Variants in RADIL observed in about 807,000 individuals in gnomAD.
The protein encoded by RADIL is Rap associating with DIL domain.
In RADIL, 99 loss-of-function variants were observed where a neutral mutation model predicts 97.6. That is an observed-to-expected ratio of 1.01 (90% CI 0.86 to 1.20). The LOEUF (loss-of-function observed/expected upper bound fraction) is 1.20, where lower values mean the gene tolerates loss of function less well. Among genes scored for constraint, RADIL ranks in the 50% most tolerant of loss-of-function variants. The pLI, the probability that RADIL is intolerant of heterozygous loss-of-function variation, is 0.00. For missense variants in RADIL, 1,765 were observed against 1,498.9 expected, an observed-to-expected ratio of 1.18 and a Z score of -2.93; for synonymous variants, 803 against 691.8, an observed-to-expected ratio of 1.16 and a Z score of -2.52.
intron 12 of RADIL, among the ~76,000 whole-genome samples, chr7:4,800,689 C>T (rs540495152): frequency 6.6e-6 from 1 of 152,296 alleles, no homozygotes; most frequent in African/African-American, 2.4e-5. Flanking sequence ...CCTGAGGGTT[C>T]CCACCGCTGA....
At chr7:4,855,337 A>G (rs555301576) in intron 2 of RADIL, among the ~76,000 whole-genome samples, 2 of 152,264 alleles carry the variant, frequency 1.3e-5, no homozygotes, top group East Asian at 1.9e-4. Flanking sequence ...GAAGGTGTGT[A>G]GAGTTCTGGA....
At chr7:4,860,719 T>G in intron 2 of RADIL, 2 of 1,614,160 alleles carry the variant, frequency 1.2e-6, no homozygotes, top group Non-Finnish European at 1.7e-6. Context: ...AGCTTGGAGC[T>G]TCAAAGAGTT....
In RADIL at chr7:4,849,615, A is replaced by G. The variant is rs897481194; in HGVS notation, c.536-13010T>C. ...GCTGTTATCTGCAACAAACCTGCAG[A>G]CCGAATGGCAGGTGGCTTGGAAGAA... On this transcript the variant is annotated intron_variant, in intron 2 of 14. Transcript: ENST00000399583. This position sits in a 1 kb window ranked among gnomAD's most constrained non-coding sequence, Gnocchi z 5.4. Among the ~76,000 whole-genome samples the G allele has an allele frequency of 2.6e-5, 4 of 152,278 alleles. No individual in the cohort carries two copies. The highest frequency in any genetic ancestry group is 9.6e-5 in the African/African-American group (4 of 41,552).
intron 2 of RADIL, chr7:4,860,496 C>G (rs1209876555): frequency 6.2e-7 from 1 of 1,614,116 alleles, no homozygotes; most frequent in African/African-American, 1.3e-5. Context: ...AACCCAATCA[C>G]CCACATTGTA....
chr7:4,803,651 C>G lies in RADIL; in HGVS notation c.2394G>C (p.Gln798His). The change falls in exon 11 of 15, where the codon CAG becomes CAC. Residue 798 changes from glutamine (Q) to histidine (H), a missense_variant. Physicochemically the swap from Gln to His is conservative, Grantham distance 24. Coordinates refer to ENST00000399583, the MANE Select transcript of RADIL (RefSeq NM_018059.5). ...GAAAGTGGCGGACGTAGAGCAGGTG[C>G]TGGTAGATGCTGTCGTCCAGGCAGT... The part of the protein sequence containing the change: ...EANCLDDSIY[Q>H]HLLYVRHFLW... The G allele has an allele frequency of 6.4e-7, 1 of 1,550,776 alleles. No individual in the cohort carries two copies. Among genetic ancestry groups the G allele is most frequent in the Non-Finnish European group, 8.7e-7 (1 of 1,147,392 alleles).
In RADIL at chr7:4,832,136, C is replaced by T; in HGVS notation, c.1454+5G>A. On this transcript the variant is annotated splice_donor_5th_base_variant and intron_variant, in intron 5 of 14. Coordinates refer to ENST00000399583, the MANE Select transcript of RADIL (RefSeq NM_018059.5). ...AGGCGGGCACAATAACCGGGTCATA[C>T]TCACAGTTGCGCCTGCTTCTCTGCT... is the stretch of plus-strand genomic sequence containing the variant. The T allele has an allele frequency of 6.2e-7, 1 of 1,608,520 alleles. No homozygotes were observed. Among genetic ancestry groups the T allele is most frequent in the Admixed American group, 1.7e-5 (1 of 59,632 alleles).
intron 2 of RADIL, chr7:4,865,701 T>C (rs887343351): frequency 8.0e-6 from 8 of 1,001,076 alleles, no homozygotes; most frequent in Non-Finnish European, 1.3e-5. Flanking sequence ...TGGCAGCATC[T>C]GTGATTCCAT....
chr7:4,835,190 C>A lies in RADIL; in HGVS notation c.833G>T (p.Arg278Leu). 1 of 1,611,888 alleles carries A rather than the reference C, an allele frequency of 6.2e-7. No homozygotes were observed. Among genetic ancestry groups the A allele is most frequent in the Non-Finnish European group, 8.5e-7 (1 of 1,179,764 alleles). Residue 278 changes from arginine (R) to leucine (L), a missense_variant, in exon 4 of 15, where the codon CGG becomes CTG. Transcript: ENST00000399583. The surrounding 1 kb of genome is among the most constrained non-coding windows in gnomAD (Gnocchi z 5.8). The stretch of plus-strand genomic sequence containing the variant: ...GATGCTGGGCTTGCTGGAGGGGGTC[C>A]GCTGGCCCACCGTGTGCCGGTCCCG... Reference protein sequence around the residue: ...LNRDRHTVGQRTPSSKPSISL... With the variant: ...LNRDRHTVGQLTPSSKPSISL...
In RADIL at chr7:4,813,607, C is replaced by T. The variant is rs1442252190; in HGVS notation, c.2139+1671G>A. Reference sequence around the variant, plus strand: ...GACAAAGCCTAGATTCTCAGCCTCACACCGTCACCTGCTCCCAGGACAGCA... The same window carrying T: ...GACAAAGCCTAGATTCTCAGCCTCATACCGTCACCTGCTCCCAGGACAGCA... On this transcript the variant is annotated intron_variant, in intron 9 of 14. Transcript: ENST00000399583. The surrounding 1 kb of genome is among the most constrained non-coding windows in gnomAD (Gnocchi z 5.0). 6.6e-6 allele frequency among the ~76,000 whole-genome samples: 1 copy of T among 152,234 alleles called. No homozygotes were observed. Among genetic ancestry groups the T allele is most frequent in the Non-Finnish European group, 1.5e-5 (1 of 68,046 alleles).
chr7:4,804,616 G>A (rs577418762), intron 10 of RADIL, among the ~76,000 whole-genome samples: 8 of 152,092 alleles, frequency 5.3e-5, no homozygotes, highest in South Asian at 2.1e-4. Flanking sequence ...GTGAAACCCC[G>A]TCTCTACCAA....
chr7:4,823,466 A>C (rs1372342359), intron 5 of RADIL, among the ~76,000 whole-genome samples: 2 of 151,370 alleles, frequency 1.3e-5, no homozygotes, highest in Non-Finnish European at 2.9e-5. Context: ...CACCATGCCT[A>C]GCCCTGATTC....
At chr7:4,799,532 A>C (rs3736241) in intron 14 of RADIL, 49 bp from the exon 15 acceptor site, 471,128 of 1,612,212 alleles carry the variant, frequency 0.29, 77,639 homozygotes, top group African/African-American at 0.7. Context: ...ACCAGGGGAG[A>C]CCCACAGGGT....
At chr7:4,816,863 G>A (rs754112467) in intron 7 of RADIL, among the ~76,000 whole-genome samples, 33 of 152,278 alleles carry the variant, frequency 2.2e-4, no homozygotes, top group Non-Finnish European at 3.2e-4. Context: ...AGGGCCACAG[G>A]GGGACCGGCG....
At chr7:4,870,866 C>A (rs987192783) in intron 2 of RADIL, among the ~76,000 whole-genome samples, 1 of 152,198 alleles carries the variant, frequency 6.6e-6, no homozygotes, top group African/African-American at 2.4e-5. Flanking sequence ...GTCCCCAGGG[C>A]AGGAGGGGGT....
chr7:4,841,682 A>C (rs1783443217), intron 2 of RADIL, among the ~76,000 whole-genome samples: 1 of 152,202 alleles, frequency 6.6e-6, no homozygotes, highest in Non-Finnish European at 1.5e-5. Context: ...GCTTCACCCC[A>C]GCAACCCTCA....
intron 2 of RADIL, chr7:4,860,067 T>C (rs1167684179): frequency 1.2e-6 from 2 of 1,613,914 alleles, no homozygotes; most frequent in Admixed American, 1.7e-5. Context: ...CTTTCATTGG[T>C]ATTCACCTGT....
chr7:4,837,973 G>A lies in RADIL; in HGVS notation c.536-1368C>T. On this transcript the variant is annotated intron_variant, in intron 2 of 14. Transcript: ENST00000399583. This position sits in a 1 kb window ranked among gnomAD's most constrained non-coding sequence, Gnocchi z 5.6. ...AAAACCAAACAAAAGCCGGATGGAG[G>A]GAGGCGTCAGCTGGCTGAGGAAGAC... The A allele has an allele frequency of 1.0e-6, 1 of 985,390 alleles. No individual in the cohort carries two copies. The highest frequency in any genetic ancestry group is 1.2e-6 in the Non-Finnish European group (1 of 829,932). The allele number at this position is 985,390 out of a possible 1,614,324, so 61.0% of individuals were successfully genotyped here. A position where few individuals can be genotyped will look rare whatever the true frequency, so the allele number is the denominator to read the frequency against.
intron 5 of RADIL, among the ~76,000 whole-genome samples, chr7:4,827,667 G>A (rs1452529033): frequency 3.9e-5 from 6 of 152,082 alleles, no homozygotes; most frequent in South Asian, 2.1e-4. Flanking sequence ...TCGCAAAAAC[G>A]AACAAAAAGA....
At chr7:4,831,139 C>T (rs940668948) in intron 5 of RADIL, among the ~76,000 whole-genome samples, 2 of 150,356 alleles carry the variant, frequency 1.3e-5, no homozygotes, top group Non-Finnish European at 3.0e-5. Context: ...TGCCGTGAGC[C>T]GAGATCTCAT....
Sources: gnomAD v4.1 joint callset for allele counts (sites outside exome capture counted in the v4.1 genomes callset) on GRCh38, gnomAD v4.1.1 for gene constraint, Gnocchi (gnomAD v3.1) non-coding constraint, MANE v1.5 for transcripts, NCBI Gene and HGNC (gene_info 2026-07-23, HGNC 2026-07-21) for gene names.